Variants in DNM3 observed in about 807,000 individuals in gnomAD.
The protein encoded by DNM3 is dynamin 3.
In DNM3, 47 loss-of-function variants were observed where a neutral mutation model predicts 101.6. That is an observed-to-expected ratio of 0.46 (90% CI 0.37 to 0.59). The LOEUF is 0.59. Among genes scored for constraint, DNM3 ranks in the 20% least tolerant of loss-of-function variants. The pLI is 0.00. For missense variants in DNM3, 849 were observed against 1,085.7 expected (o/e 0.78, Z 3.06); for synonymous variants, 385 against 387.9 (o/e 0.99, Z 0.09).
chr1:171,889,488 C>T (rs1171900271), intron 1 of DNM3, among the ~76,000 whole-genome samples: 1 of 152,092 alleles, frequency 6.6e-6, no homozygotes, highest in African/African-American at 2.4e-5. Context: ...TGGTGACTTT[C>T]CAGTAGTAGA....
chr1:172,117,064 GC>G (rs1318952106), intron 13 of DNM3, among the ~76,000 whole-genome samples: 1 of 152,000 alleles, frequency 6.6e-6, no homozygotes, highest in Non-Finnish European at 1.5e-5. Context: ...AATTAGCCAG[GC>G]ATGGTGGTGC....
At chr1:171,955,618 T>C (rs751734858) in intron 2 of DNM3, among the ~76,000 whole-genome samples, 13 of 152,214 alleles carry the variant, frequency 8.5e-5, no homozygotes, top group Non-Finnish European at 1.5e-4. Flanking sequence ...CCATGTCTAT[T>C]GTGGGAATAT....
chr1:172,206,124 T>C (rs914771389), intron 14 of DNM3, among the ~76,000 whole-genome samples: 2 of 152,170 alleles, frequency 1.3e-5, no homozygotes, highest in Non-Finnish European at 2.9e-5. Flanking sequence ...GCTTTCAAGC[T>C]TACTATGACA....
chr1:172,414,859 A>T (rs1480151078), downstream of DNM3, among the ~76,000 whole-genome samples: 1 of 151,126 alleles, frequency 6.6e-6, no homozygotes, highest in Non-Finnish European at 1.5e-5. Context: ...AGTTCAGCCC[A>T]AGAGTTTGAG....
intron 14 of DNM3, among the ~76,000 whole-genome samples, chr1:172,150,087 C>A (rs1248766909): frequency 6.6e-6 from 1 of 152,088 alleles, no homozygotes; most frequent in Non-Finnish European, 1.5e-5. Context: ...ACATGAATTT[C>A]TAAAAGGGTT....
At position 172,332,366 on chromosome 1, in the gene DNM3, G is replaced by A. The variant is rs1041598366; in HGVS notation, c.1893+9026G>A. On this transcript the variant is annotated intron_variant, in intron 17 of 20. Transcript: ENST00000627582. ...ACTCTGTCACTGAGGCTGGAGTGCA[G>A]AAGTGTGATTTCAGCTCACTGCAAC... 3.3e-5 allele frequency among the ~76,000 whole-genome samples: 5 copies of A among 152,156 alleles called. No individual in the cohort carries two copies. In the East Asian group the frequency reaches 9.6e-4, roughly 29 times the overall value.
intron 4 of DNM3, among the ~76,000 whole-genome samples, chr1:172,028,054 T>G (rs2048336982): frequency 6.6e-6 from 1 of 152,172 alleles, no homozygotes; most frequent in Non-Finnish European, 1.5e-5. Context: ...TGAATTCAGC[T>G]CTGGACCAAG....
intron 10 of DNM3, among the ~76,000 whole-genome samples, chr1:172,057,751 T>A (rs920418054): frequency 6.6e-6 from 1 of 151,724 alleles, no homozygotes; most frequent in Non-Finnish European, 1.5e-5. Context: ...TGCCAAAATG[T>A]AAAGACCATC....
At chr1:172,191,435 G>A (rs2059719128) in intron 14 of DNM3, among the ~76,000 whole-genome samples, 1 of 152,146 alleles carries the variant, frequency 6.6e-6, no homozygotes, top group African/African-American at 2.4e-5. Context: ...AGTATAGTTT[G>A]AAGTCAGGTA....
At chr1:172,266,104 A>G (rs1426236538) in intron 15 of DNM3, among the ~76,000 whole-genome samples, 1 of 152,164 alleles carries the variant, frequency 6.6e-6, no homozygotes, top group Admixed American at 6.5e-5. Context: ...TGTGCTCTTT[A>G]GGCATTCTGA....
intron 1 of DNM3, among the ~76,000 whole-genome samples, chr1:171,879,173 T>C (rs959146882): frequency 6.6e-6 from 1 of 152,216 alleles, no homozygotes; most frequent in African/African-American, 2.4e-5. Flanking sequence ...GGGTCTGCCA[T>C]ATGAAAGGTG....
chr1:172,250,095 G>C (rs1177417782), intron 14 of DNM3, among the ~76,000 whole-genome samples: 1 of 152,082 alleles, frequency 6.6e-6, no homozygotes, highest in Non-Finnish European at 1.5e-5. Context: ...CTTATAAATT[G>C]AAGCTGTCTC....
chr1:172,118,722 A>T (rs2056096371), intron 13 of DNM3, among the ~76,000 whole-genome samples: 1 of 152,166 alleles, frequency 6.6e-6, no homozygotes, highest in South Asian at 2.1e-4. Context: ...AACAACTCTT[A>T]GTGACGTTTC....
At chr1:172,027,605 CACACACACACACAGAG>C (rs939428646) in intron 4 of DNM3, among the ~76,000 whole-genome samples, 1 of 138,332 alleles carries the variant, frequency 7.2e-6, no homozygotes, top group African/African-American at 2.8e-5. Flanking sequence ...CACACACACA[CACACACACACACAGAG>C]AGAGAGAAAT....
At chr1:172,201,473 A>G (rs943427878) in intron 14 of DNM3, among the ~76,000 whole-genome samples, 2 of 152,156 alleles carry the variant, frequency 1.3e-5, no homozygotes, top group African/African-American at 4.8e-5. Context: ...CACCCCAAAG[A>G]GATGCAGGTC....
chr1:172,250,623 G>A lies in DNM3; in HGVS notation c.1660-2950G>A, dbSNP rs150100487. Among the ~76,000 whole-genome samples, 276 of 152,256 alleles carry A rather than the reference G, an allele frequency of 1.8e-3. 2 individuals are homozygous for A. The highest frequency in any genetic ancestry group is 6.4e-3 in the African/African-American group (265 of 41,568). Reference sequence around the variant, plus strand: ...GGACCTGGAATAATGTTGTGGGAATGTCAAAGGAGGGGAACTAGGACAAAC... The same window carrying A: ...GGACCTGGAATAATGTTGTGGGAATATCAAAGGAGGGGAACTAGGACAAAC... On this transcript the variant is annotated intron_variant, in intron 14 of 20. Coordinates refer to ENST00000627582, the MANE Select transcript of DNM3 (RefSeq NM_015569.5).
At chr1:172,098,918 C>A (rs561283632) in intron 13 of DNM3, among the ~76,000 whole-genome samples, 3 of 152,174 alleles carry the variant, frequency 2.0e-5, no homozygotes, top group Admixed American at 2.0e-4. Context: ...GATAGTTGGA[C>A]TGTGGAAGGT....
At chr1:172,078,083 T>G (rs2052814698) in intron 11 of DNM3, among the ~76,000 whole-genome samples, 1 of 152,042 alleles carries the variant, frequency 6.6e-6, no homozygotes, top group African/African-American at 2.4e-5. Flanking sequence ...TGGGTCTTTG[T>G]TGGTTTTTGT....
chr1:172,276,984 TA>T (rs1227491374), intron 15 of DNM3, among the ~76,000 whole-genome samples: 1 of 151,942 alleles, frequency 6.6e-6, no homozygotes, highest in African/African-American at 2.4e-5. Flanking sequence ...ATGTTTTCTT[TA>T]AAAAAATATG....
Sources: gnomAD v4.1 joint callset for allele counts (sites outside exome capture counted in the v4.1 genomes callset) on GRCh38, gnomAD v4.1.1 for gene constraint, MANE v1.5 for transcripts, NCBI Gene and HGNC (gene_info 2026-07-23, HGNC 2026-07-21) for gene names.